The following TAFA4 variants were observed in gnomAD, a reference collection of about 807,000 sequenced individuals.
TAFA4 encodes the protein chemokine-like protein TAFA-4.
A neutral mutation model predicts 21.1 loss-of-function variants in TAFA4; 20 were observed. That is an observed-to-expected ratio of 0.95 (90% confidence interval 0.67 to 1.38). TAFA4 has a LOEUF of 1.38. TAFA4 is among the 40% of genes most tolerant of loss of function. The pLI is 0.00. For missense variants in TAFA4, 211 were observed against 180.9 expected (o/e 1.17, Z -0.95); for synonymous variants, 71 against 67.4 (o/e 1.05, Z -0.26).
intron 3 of TAFA4, among the ~76,000 whole-genome samples, chr3:68,878,137 T>A (rs1369439341): frequency 6.6e-6 from 1 of 152,128 alleles, no homozygotes; most frequent in Non-Finnish European, 1.5e-5. Flanking sequence ...GCCAACAGAT[T>A]TTATTAAATA....
chr3:68,791,100 T>C (rs1179633838), intron 3 of TAFA4, among the ~76,000 whole-genome samples: 2 of 152,166 alleles, frequency 1.3e-5, no homozygotes, highest in Admixed American at 6.5e-5. Flanking sequence ...AACTTAAGTA[T>C]CTGACCACAC....
intron 5 of TAFA4, among the ~76,000 whole-genome samples, chr3:68,738,556 C>G (rs1702286034): frequency 6.6e-6 from 1 of 152,150 alleles, no homozygotes; most frequent in Non-Finnish European, 1.5e-5. Context: ...ATGTAACCAA[C>G]TGAACATAGG....
intron 3 of TAFA4, among the ~76,000 whole-genome samples, chr3:68,783,705 G>GGAA (rs1703192336): frequency 9.9e-6 from 1 of 100,546 alleles, no homozygotes; most frequent in African/African-American, 4.1e-5. Context: ...GAGAGAGAGA[G>GGAA]AGAAAGAAAA....
At chr3:68,843,131 G>A (rs957574831) in intron 3 of TAFA4, among the ~76,000 whole-genome samples, 1 of 152,156 alleles carries the variant, frequency 6.6e-6, no homozygotes, top group African/African-American at 2.4e-5. Context: ...GGGCAGTATG[G>A]CCATTTTCAC....
chr3:68,920,050 A>G (rs1253495110), intron 1 of TAFA4, among the ~76,000 whole-genome samples: 2 of 152,248 alleles, frequency 1.3e-5, no homozygotes, highest in Non-Finnish European at 2.9e-5. Context: ...ACTTTGTTCA[A>G]GAATGGTATC....
Position 68,863,792 on chromosome 3 carries a change from G to A in TAFA4, c.130+16938C>T, listed in dbSNP as rs968930383. 5.3e-5 allele frequency among the ~76,000 whole-genome samples: 8 copies of A among 151,766 alleles called. No homozygotes were observed. In the East Asian group the frequency reaches 1.2e-3, roughly 22 times the overall value. ...TCACTAATTCAAACTAATTAGTCTGGGAATACCAATCTGACTTATTAAAAT... is the reference window on the plus strand; with the variant it reads ...TCACTAATTCAAACTAATTAGTCTGAGAATACCAATCTGACTTATTAAAAT... On this transcript the variant is annotated intron_variant, in intron 3 of 5. Coordinates refer to ENST00000295569, the MANE Select transcript of TAFA4 (RefSeq NM_182522.5).
chr3:68,791,380 G>A (rs1309036505), intron 3 of TAFA4, among the ~76,000 whole-genome samples: 2 of 152,160 alleles, frequency 1.3e-5, no homozygotes, highest in Admixed American at 6.5e-5. Context: ...TCCAACTCAA[G>A]CCAAGGAATG....
intron 3 of TAFA4, among the ~76,000 whole-genome samples, chr3:68,834,462 G>A (rs891770652): frequency 1.3e-5 from 2 of 152,170 alleles, no homozygotes; most frequent in Admixed American, 1.3e-4. Flanking sequence ...CCAAACAATC[G>A]ATACAAAATA....
intron 3 of TAFA4, among the ~76,000 whole-genome samples, chr3:68,851,325 A>T: frequency 6.6e-6 from 1 of 152,084 alleles, no homozygotes; most frequent in East Asian, 1.9e-4. Context: ...AACAACACAC[A>T]CTAGAACCTG....
intron 3 of TAFA4, among the ~76,000 whole-genome samples, chr3:68,826,920 T>A (rs977064724): frequency 9.9e-5 from 15 of 152,194 alleles, no homozygotes; most frequent in African/African-American, 3.4e-4. Context: ...AGTACTAGGG[T>A]ACATGTGCAC....
At chr3:68,738,142 C>T (rs954621996) in intron 5 of TAFA4, among the ~76,000 whole-genome samples, 2 of 152,012 alleles carry the variant, frequency 1.3e-5, no homozygotes, top group African/African-American at 4.8e-5. Flanking sequence ...GGAAAGAAGT[C>T]CCCGAAAAAA....
chr3:68,832,339 G>T (rs955073357), intron 3 of TAFA4, among the ~76,000 whole-genome samples: 7 of 152,180 alleles, frequency 4.6e-5, no homozygotes, highest in Non-Finnish European at 7.4e-5. Flanking sequence ...GGTCTTTGAT[G>T]TTGGTGACCT....
At chr3:68,816,776 A>T (rs896310907) in intron 3 of TAFA4, among the ~76,000 whole-genome samples, 1 of 151,988 alleles carries the variant, frequency 6.6e-6, no homozygotes, top group African/African-American at 2.4e-5. Context: ...CACAGTTTTT[A>T]TTTCCCCGTG....
chr3:68,741,106 C>G (rs1272715880), intron 4 of TAFA4, among the ~76,000 whole-genome samples: 10 of 152,140 alleles, frequency 6.6e-5, no homozygotes, highest in Admixed American at 5.9e-4. Context: ...TCTTCTTTTT[C>G]AAAATTGCTT....
At chr3:68,925,428 C>T (rs903471075) in intron 1 of TAFA4, among the ~76,000 whole-genome samples, 1 of 152,154 alleles carries the variant, frequency 6.6e-6, no homozygotes, top group Non-Finnish European at 1.5e-5. Context: ...CCCAACGATA[C>T]ATACAGAGAA....
chr3:68,753,150 T>A lies in TAFA4; in HGVS notation c.131-132A>T, dbSNP rs1362371216. ...GCTTATGAGTCTTTGTAACATTTTA[T>A]TTTGATAACATATTATTTCAAATTT... On this transcript the variant is annotated intron_variant, in intron 3 of 5. Coordinates refer to ENST00000295569, the MANE Select transcript of TAFA4 (RefSeq NM_182522.5). 7.6e-6 allele frequency: 6 copies of A among 790,094 alleles called. No individual in the cohort carries two copies. The Admixed American group carries it at 9.0e-5, about 12-fold the overall frequency. 48.9% of individuals were successfully genotyped at this position (790,094 alleles called of 1,614,324 possible). A position where few individuals can be genotyped will look rare whatever the true frequency, so the allele number is the denominator to read the frequency against.
At chr3:68,892,604 C>T (rs1271186177) in intron 1 of TAFA4, among the ~76,000 whole-genome samples, 2 of 152,138 alleles carry the variant, frequency 1.3e-5, no homozygotes, top group African/African-American at 4.8e-5. Flanking sequence ...ATTCTTCTCC[C>T]ATTTTTAAAA....
intron 3 of TAFA4, among the ~76,000 whole-genome samples, chr3:68,807,376 G>A (rs1575616825): frequency 2.6e-5 from 4 of 152,170 alleles, no homozygotes; most frequent in East Asian, 1.9e-4. Flanking sequence ...ATATTACCAC[G>A]CAGCGGAAGC....
intron 3 of TAFA4, among the ~76,000 whole-genome samples, chr3:68,851,228 A>T (rs542190016): frequency 1.8e-4 from 28 of 152,284 alleles, no homozygotes; most frequent in African/African-American, 6.3e-4. Context: ...TATCCTCAGC[A>T]AACTGATGCA....
Sources: gnomAD v4.1 joint callset for allele counts (sites outside exome capture counted in the v4.1 genomes callset) on GRCh38, gnomAD v4.1.1 for gene constraint, MANE v1.5 for transcripts, NCBI Gene and HGNC (gene_info 2026-07-23, HGNC 2026-07-21) for gene names.